The following TTC29 variants were observed in gnomAD, a reference collection of about 807,000 sequenced individuals.
The protein encoded by TTC29 is tetratricopeptide repeat protein 29.
A neutral mutation model predicts 58.1 loss-of-function variants in TTC29; 49 were observed. That is an observed-to-expected ratio of 0.84 (90% CI 0.67 to 1.07). TTC29 has a LOEUF of 1.07. Ranked by LOEUF, TTC29 falls within the 50% of genes least tolerant of loss-of-function variation. TTC29 has a pLI of 0.00. For synonymous variants in TTC29, 209 were observed against 196.8 expected (o/e 1.06, Z -0.52); for missense variants, 582 against 555.6 (o/e 1.05, Z -0.48).
intron 11 of TTC29, among the ~76,000 whole-genome samples, chr4:146,788,603 A>G (rs961158513): frequency 1.3e-5 from 2 of 151,938 alleles, no homozygotes; most frequent in African/African-American, 4.8e-5. Flanking sequence ...CTTTTTAGAA[A>G]GACCATTTAA....
chr4:146,917,617 A>ACATTATATATTATTTATATAGTATC (rs1250048875), intron 4 of TTC29, among the ~76,000 whole-genome samples: 2 of 143,148 alleles, frequency 1.4e-5, no homozygotes, highest in South Asian at 2.2e-4. Flanking sequence ...TTTATAATAT[A>ACATTATATATTATTTATATAGTATC]TAATTAGATA....
intron 6 of TTC29, among the ~76,000 whole-genome samples, chr4:146,899,371 C>T: frequency 6.6e-6 from 1 of 152,198 alleles, no homozygotes; most frequent in East Asian, 1.9e-4. Flanking sequence ...GCCCCACAGA[C>T]ACAGTGAGAA....
intron 9 of TTC29, among the ~76,000 whole-genome samples, chr4:146,825,673 C>T (rs1469528638): frequency 6.6e-6 from 1 of 152,092 alleles, no homozygotes; most frequent in African/African-American, 2.4e-5. Context: ...TTTTCTGTCT[C>T]GTTAATCTGC....
chr4:146,899,437 A>C (rs1428620385), intron 6 of TTC29, among the ~76,000 whole-genome samples: 2 of 152,182 alleles, frequency 1.3e-5, no homozygotes, highest in Non-Finnish European at 2.9e-5. Context: ...ATAAGGTCAC[A>C]ATTCTGAAAG....
At chr4:146,803,231 T>A (rs1476891777) in intron 11 of TTC29, among the ~76,000 whole-genome samples, 1 of 152,040 alleles carries the variant, frequency 6.6e-6, no homozygotes, top group Admixed American at 6.5e-5. Flanking sequence ...GAATGGTGAT[T>A]TATCAGGTAC....
chr4:146,809,140 G>T (rs1000362437), intron 10 of TTC29, among the ~76,000 whole-genome samples: 1 of 149,930 alleles, frequency 6.7e-6, no homozygotes, highest in African/African-American at 2.4e-5. Context: ...ATGGGGAAAG[G>T]ATTCCCTATT....
chr4:146,765,577 C>T (rs769715777), intron 11 of TTC29, among the ~76,000 whole-genome samples: 5 of 152,256 alleles, frequency 3.3e-5, no homozygotes, highest in African/African-American at 7.2e-5. Flanking sequence ...ATGAGAATAT[C>T]GTCTGTAATT....
At chr4:146,736,036 G>A (rs142986623) in intron 11 of TTC29, among the ~76,000 whole-genome samples, 11 of 152,246 alleles carry the variant, frequency 7.2e-5, no homozygotes, top group African/African-American at 2.2e-4. Flanking sequence ...GTCCCTGCCG[G>A]TCATCCAACA....
rs140222278 is a variant in TTC29, at chr4:146,890,410, C to T, written c.586+13134G>A. ...TCCAGCCCTCACATGAGAAGCAGGG[C>T]GAGGCATGGGGAGCATGTGGGACTC... On this transcript the variant is annotated intron_variant, in intron 6 of 12. Transcript: ENST00000325106. 1.2e-4 allele frequency among the ~76,000 whole-genome samples: 18 copies of T among 152,204 alleles called. No individual in the cohort carries two copies. In the East Asian group the frequency reaches 2.3e-3, roughly 20 times the overall value.
intron 9 of TTC29, among the ~76,000 whole-genome samples, chr4:146,826,787 C>T (rs906837705): frequency 6.6e-6 from 1 of 151,954 alleles, no homozygotes; most frequent in African/African-American, 2.4e-5. Flanking sequence ...TCCCATATTT[C>T]TTGGAGGCTT....
At chr4:146,890,114 A>G (rs1423125073) in intron 6 of TTC29, among the ~76,000 whole-genome samples, 2 of 152,166 alleles carry the variant, frequency 1.3e-5, no homozygotes, top group Non-Finnish European at 2.9e-5. Flanking sequence ...AGCTGTCATA[A>G]AAAAGCAGCA....
intron 4 of TTC29, among the ~76,000 whole-genome samples, chr4:146,928,411 A>G (rs1387898385): frequency 6.6e-6 from 1 of 152,206 alleles, no homozygotes; most frequent in Non-Finnish European, 1.5e-5. Flanking sequence ...TGAAACATAG[A>G]AAGTGCTCTA....
intron 11 of TTC29, among the ~76,000 whole-genome samples, chr4:146,765,820 A>C (rs1310820934): frequency 1.3e-5 from 2 of 152,032 alleles, no homozygotes; most frequent in African/African-American, 2.4e-5. Context: ...TTTTTAAAGG[A>C]ACTTGGTCTG....
intron 8 of TTC29, among the ~76,000 whole-genome samples, chr4:146,842,353 G>A (rs1400619708): frequency 1.3e-5 from 2 of 152,052 alleles, no homozygotes; most frequent in African/African-American, 4.8e-5. Context: ...TGCTTTGTGC[G>A]ACAGCAAAAT....
intron 8 of TTC29, among the ~76,000 whole-genome samples, chr4:146,850,550 A>C (rs894942503): frequency 3.3e-5 from 5 of 152,210 alleles, no homozygotes; most frequent in Non-Finnish European, 7.3e-5. Flanking sequence ...ACAAAGTTTA[A>C]TGACTTGCCC....
At chr4:146,814,264 C>T (rs1751231308) in intron 10 of TTC29, among the ~76,000 whole-genome samples, 1 of 151,998 alleles carries the variant, frequency 6.6e-6, no homozygotes, top group South Asian at 2.1e-4. Context: ...ATAAATGCTA[C>T]ATGGATAATT....
chr4:146,741,926 C>T (rs72731880), intron 11 of TTC29, among the ~76,000 whole-genome samples: 1 of 152,172 alleles, frequency 6.6e-6, no homozygotes, highest in Non-Finnish European at 1.5e-5. Flanking sequence ...TTCTACTAGC[C>T]CTTCAGCCAA....
chr4:146,735,235 G>T (rs1744628360), intron 11 of TTC29, among the ~76,000 whole-genome samples: 1 of 152,046 alleles, frequency 6.6e-6, no homozygotes, highest in Non-Finnish European at 1.5e-5. Flanking sequence ...CCTGTGGTTG[G>T]TTACCAAGAA....
intron 10 of TTC29, 123 bp downstream of exon 10, chr4:146,820,002 C>T: frequency 7.7e-7 from 1 of 1,306,922 alleles, no homozygotes; most frequent in South Asian, 1.2e-5. Flanking sequence ...CCCTGCAGTC[C>T]AGGGCCATTC....
Sources: allele counts gnomAD v4.1 joint callset (sites outside exome capture counted in the v4.1 genomes callset), GRCh38; gene constraint gnomAD v4.1.1; transcripts MANE v1.5; gene names NCBI Gene and HGNC (gene_info 2026-07-23, HGNC 2026-07-21).